The following TP63 variants were observed in gnomAD, a reference collection of about 807,000 sequenced individuals.
The protein encoded by TP63 is tumor protein p63.
In TP63, 17 loss-of-function variants were observed where a neutral mutation model predicts 82.8. The observed-to-expected ratio is 0.21, with a 90% CI of 0.14 to 0.31. The LOEUF (loss-of-function observed/expected upper bound fraction) is 0.31, where lower values mean the gene tolerates loss of function less well. TP63 is among the 10% of genes least tolerant of loss of function. The pLI is 1.00. For synonymous variants in TP63, 330 were observed against 321.7 expected, an observed-to-expected ratio of 1.03 and a Z score of -0.28; for missense variants, 648 against 895.3, an observed-to-expected ratio of 0.72 and a Z score of 3.52.
intron 1 of TP63, among the ~76,000 whole-genome samples, chr3:189,711,449 A>G (rs942837749): frequency 6.6e-6 from 1 of 152,174 alleles, no homozygotes; most frequent in Non-Finnish European, 1.5e-5. Context: ...GTGTGAGGTG[A>G]GTGCTGATGA....
At chr3:189,703,048 G>A (rs1717927468) in intron 1 of TP63, among the ~76,000 whole-genome samples, 1 of 152,092 alleles carries the variant, frequency 6.6e-6, no homozygotes, top group African/African-American at 2.4e-5. Flanking sequence ...GAAAAACTAG[G>A]CTAGGTTTAA....
intron 3 of TP63, among the ~76,000 whole-genome samples, chr3:189,761,693 C>T (rs1168455205): frequency 6.6e-6 from 1 of 152,158 alleles, no homozygotes; most frequent in African/African-American, 2.4e-5. Context: ...TTCAGCAACA[C>T]CACACTTCTG....
chr3:189,696,413 A>C (rs994441258), intron 1 of TP63, among the ~76,000 whole-genome samples: 1 of 152,174 alleles, frequency 6.6e-6, no homozygotes, highest in Non-Finnish European at 1.5e-5. Flanking sequence ...AATATTCCAT[A>C]GTATGGATAT....
Position 189,809,131 on chromosome 3 carries a change from T to C in TP63, c.579+605T>C, listed in dbSNP as rs1048091400. Among the ~76,000 whole-genome samples the C allele has an allele frequency of 1.8e-4, 27 of 152,152 alleles. 1 individual carries two copies. The highest frequency in any genetic ancestry group is 3.8e-4 in the Non-Finnish European group (26 of 67,972). On this transcript the variant is annotated intron_variant, in intron 4 of 13. Transcript: ENST00000264731. ...ATTTATTGATATGTATATATTTATTTAATTTGGAAACATTCTTTTCGAAAA... is the reference window on the plus strand; with the variant it reads ...ATTTATTGATATGTATATATTTATTCAATTTGGAAACATTCTTTTCGAAAA...
At chr3:189,781,619 A>T (rs1724242575) in intron 3 of TP63, among the ~76,000 whole-genome samples, 1 of 151,888 alleles carries the variant, frequency 6.6e-6, no homozygotes. Context: ...TTTCCTGGAA[A>T]GGGTGGAGAA....
intron 4 of TP63, among the ~76,000 whole-genome samples, chr3:189,818,576 C>T (rs987097491): frequency 8.6e-5 from 13 of 151,834 alleles, no homozygotes; most frequent in Admixed American, 3.9e-4. Context: ...TCAAAATTTT[C>T]GTAGGAAAAT....
At chr3:189,765,246 G>GA (rs71175310) in intron 3 of TP63, among the ~76,000 whole-genome samples, 4 of 151,134 alleles carry the variant, frequency 2.6e-5, no homozygotes, top group East Asian at 2.0e-4. Flanking sequence ...ATATAGAGCA[G>GA]AAAAAAAAAA....
chr3:189,715,542 A>G (rs894660615), intron 1 of TP63, among the ~76,000 whole-genome samples: 3 of 152,184 alleles, frequency 2.0e-5, no homozygotes, highest in Admixed American at 6.5e-5. Context: ...GATGATTGTA[A>G]TTACAAACTG....
rs116027224 is a variant in TP63 at position 189,790,077 on chromosome 3, A to G, written c.325-18195A>G. 0.011 allele frequency among the ~76,000 whole-genome samples: 1,689 copies of G among 151,914 alleles called. 35 individuals carry two copies. Among genetic ancestry groups the G allele is most frequent in the African/African-American group, 0.039 (1,618 of 41,450 alleles). The stretch of plus-strand genomic sequence containing the variant: ...TGAAAAAGAAAATCTGGGTGACATT[A>G]TGTATTTGAAAAAATAATATTCAGG... On this transcript the variant is annotated intron_variant, in intron 3 of 13. Coordinates refer to ENST00000264731, the MANE Select transcript of TP63 (RefSeq NM_003722.5).
At chr3:189,863,309 G>T (rs572408775) in intron 4 of TP63, among the ~76,000 whole-genome samples, 2 of 152,316 alleles carry the variant, frequency 1.3e-5, no homozygotes, top group East Asian at 3.9e-4. Context: ...CTTTGACCCA[G>T]AGCACAGGGA....
chr3:189,745,429 C>T (rs1161503333), intron 3 of TP63, among the ~76,000 whole-genome samples: 2 of 152,080 alleles, frequency 1.3e-5, no homozygotes, highest in Admixed American at 6.6e-5. Context: ...ACCAAACAGG[C>T]TGGGCATGGT....
chr3:189,771,188 T>A (rs1723311478), intron 3 of TP63, among the ~76,000 whole-genome samples: 1 of 149,746 alleles, frequency 6.7e-6, no homozygotes, highest in Non-Finnish European at 1.5e-5. Context: ...AGCTCCAAGT[T>A]GAATGAGCTC....
intron 8 of TP63, 91 bp downstream of exon 8, chr3:189,868,807 C>T (rs1560280881): frequency 5.6e-6 from 9 of 1,602,406 alleles, no homozygotes; most frequent in Non-Finnish European, 6.0e-6. Context: ...CATGATAAGA[C>T]CTGTGACCTT....
At position 189,647,850 on chromosome 3, in the gene TP63, A is replaced by C. The variant is rs572827495; in HGVS notation, c.62+16273A>C. Among the ~76,000 whole-genome samples, 232 of 147,212 alleles carry C rather than the reference A, an allele frequency of 1.6e-3. 29 individuals carry two copies. Among genetic ancestry groups the C allele is most frequent in the African/African-American group, 5.8e-3 (228 of 39,424 alleles). ...TGAGATTCAAAACAAGTGACTAAAA[A>C]GTATGCGTACATTTTAAAGATAATG... On this transcript the variant is annotated intron_variant, in intron 1 of 13. Transcript: ENST00000264731.
chr3:189,785,975 TCAAACAA>T, intron 3 of TP63, among the ~76,000 whole-genome samples: 1 of 151,914 alleles, frequency 6.6e-6, no homozygotes, highest in Middle Eastern at 3.4e-3. Context: ...ATTCATGGAC[TCAAACAA>T]CCATGGATCA....
At chr3:189,741,014 G>T (rs1407399916) in intron 3 of TP63, among the ~76,000 whole-genome samples, 2 of 152,128 alleles carry the variant, frequency 1.3e-5, no homozygotes, top group East Asian at 3.8e-4. Context: ...GTGCTTGAAG[G>T]TACATAGTAG....
chr3:189,611,808 A>T, the TP63 span, among the ~76,000 whole-genome samples: 14 of 152,042 alleles, frequency 9.2e-5, no homozygotes, highest in African/African-American at 3.4e-4. Context: ...TTCTTTGAGC[A>T]TTGTTTTGTA....
At chr3:189,672,845 A>C (rs1284869768) in intron 1 of TP63, among the ~76,000 whole-genome samples, 1 of 152,112 alleles carries the variant, frequency 6.6e-6, no homozygotes, top group African/African-American at 2.4e-5. Flanking sequence ...AATTAATACA[A>C]ACAGTTAAAC....
intron 3 of TP63, among the ~76,000 whole-genome samples, chr3:189,794,246 A>G (rs1200054565): frequency 6.6e-6 from 1 of 152,126 alleles, no homozygotes; most frequent in African/African-American, 2.4e-5. Flanking sequence ...AAAATGGTAT[A>G]TAGGATCTAA....
Sources: allele counts gnomAD v4.1 joint callset (sites outside exome capture counted in the v4.1 genomes callset), GRCh38; gene constraint gnomAD v4.1.1; transcripts MANE v1.5; gene names NCBI Gene and HGNC (gene_info 2026-07-23, HGNC 2026-07-21).